KCTD6: variants seen among roughly 807,000 people sequenced by gnomAD.
KCTD6 encodes the protein potassium channel tetramerization domain containing 6, also known as BTB/POZ domain-containing protein KCTD6.
KCTD6 carries 6 observed loss-of-function variants against 18.7 expected under a neutral mutation model. That is an observed-to-expected ratio of 0.32 (90% CI 0.18 to 0.63). The LOEUF is 0.63. Among genes scored for constraint, KCTD6 ranks in the 30% least tolerant of loss-of-function variants. The pLI, the probability that KCTD6 is intolerant of heterozygous loss-of-function variation, is 0.79. For synonymous variants in KCTD6, 86 were observed against 108.5 expected, an observed-to-expected ratio of 0.79 and a Z score of 1.29; for missense variants, 165 against 300.2, an observed-to-expected ratio of 0.55 and a Z score of 3.33.
rs1386450968 is a variant in KCTD6 at position 58,497,104 on chromosome 3, A to T, written c.-43-1609A>T. ...CAGTCTTGAATTTGACATTTGTTCC[A>T]TTTCTCACCCCATAGCATGTGGAGG... On this transcript the variant is annotated intron_variant, in intron 1 of 2. Transcript: ENST00000404589. The surrounding 1 kb of genome is among the most constrained non-coding windows in gnomAD (Gnocchi z 4.2). Among the ~76,000 whole-genome samples, 2 of 152,216 alleles carry T rather than the reference A, an allele frequency of 1.3e-5. No individual in the cohort carries two copies. Among genetic ancestry groups the T allele is most frequent in the Non-Finnish European group, 2.9e-5 (2 of 68,030 alleles).
rs2063190343 is a variant in KCTD6, at chr3:58,498,611, G to T, written c.-43-102G>T. The T allele has an allele frequency of 1.4e-6, 1 of 717,058 alleles. No individual in the cohort carries two copies. Among genetic ancestry groups the T allele is most frequent in the Non-Finnish European group, 2.5e-6 (1 of 404,068 alleles). The allele number at this position is 717,058 out of a possible 1,614,324, so 44.4% of individuals were successfully genotyped here. On this transcript the variant is annotated intron_variant, in intron 1 of 2. Transcript: ENST00000404589. This position sits in a 1 kb window ranked among gnomAD's most constrained non-coding sequence, Gnocchi z 4.6. The stretch of plus-strand genomic sequence containing the variant: ...GGTTTCAGCTGAGCAAGGACGAGTA[G>T]TTTTTCTGGTGTTTGGCCTCCTCTG...
chr3:58,497,655 G>GGCTGGCTCTCCATGAGT lies in KCTD6; in HGVS notation c.-43-1050_-43-1034dup, dbSNP rs1233369022. On this transcript the variant is annotated intron_variant, in intron 1 of 2. Coordinates refer to ENST00000404589, the MANE Select transcript of KCTD6 (RefSeq NM_001128214.2). The surrounding 1 kb of genome is among the most constrained non-coding windows in gnomAD (Gnocchi z 4.2). Reference sequence around the variant, plus strand: ...ATCTGAGCATTTCTCAGTGTCTTAAGGCTGGCTCTCCATGAGTGCTGGCTG... The same window carrying GGCTGGCTCTCCATGAGT: ...ATCTGAGCATTTCTCAGTGTCTTAAGGCTGGCTCTCCATGAGTGCTGGCTCTCCATGAGTGCTGGCTG... 6.6e-6 allele frequency: 1 copy of GGCTGGCTCTCCATGAGT among 152,170 alleles called. No individual in the cohort carries two copies. The allele number at this position is 152,170 out of a possible 1,614,324, so 9.4% of individuals were successfully genotyped here.
At position 58,493,708 on chromosome 3, in the gene KCTD6, G is replaced by T. The variant is rs540063718; in HGVS notation, c.-44+1539G>T. Among the ~76,000 whole-genome samples the T allele has an allele frequency of 6.6e-6, 1 of 152,312 alleles. No individual in the cohort carries two copies. Among genetic ancestry groups the T allele is most frequent in the South Asian group, 2.1e-4 (1 of 4,830 alleles). On this transcript the variant is annotated intron_variant, in intron 1 of 2. Coordinates refer to ENST00000404589, the MANE Select transcript of KCTD6 (RefSeq NM_001128214.2). The surrounding 1 kb of genome is among the most constrained non-coding windows in gnomAD (Gnocchi z 4.5). ...TCCAGGCCAATGCTCTAAATTACTT[G>T]TGTTCACACTCAAGTTTCTCATGTT...
rs1017237529 is a variant in KCTD6, at chr3:58,497,262, A to G, written c.-43-1451A>G. On this transcript the variant is annotated intron_variant, in intron 1 of 2. Coordinates refer to ENST00000404589, the MANE Select transcript of KCTD6 (RefSeq NM_001128214.2). This position sits in a 1 kb window ranked among gnomAD's most constrained non-coding sequence, Gnocchi z 4.2. The stretch of plus-strand genomic sequence containing the variant: ...ATGCTTCAGGCTCTGATTTCAGCCC[A>G]TGCTGTGCTATGCAAATGTTCTCTA... 6.6e-6 allele frequency among the ~76,000 whole-genome samples: 1 copy of G among 152,258 alleles called. No homozygotes were observed. The highest frequency in any genetic ancestry group is 1.5e-5 in the Non-Finnish European group (1 of 68,040).
At position 58,498,666 on chromosome 3, in the gene KCTD6, T is replaced by G; in HGVS notation, c.-43-47T>G. 1.0e-6 allele frequency: 1 copy of G among 970,532 alleles called. No individual in the cohort carries two copies. Among genetic ancestry groups the G allele is most frequent in the Non-Finnish European group, 1.6e-6 (1 of 607,646 alleles). The allele number at this position is 970,532 out of a possible 1,614,324, so 60.1% of individuals were successfully genotyped here. On this transcript the variant is annotated intron_variant, in intron 1 of 2. Transcript: ENST00000404589. The surrounding 1 kb of genome is among the most constrained non-coding windows in gnomAD (Gnocchi z 4.6). Reference sequence around the variant, plus strand: ...GTGGAAAAAGACTTTCTTCTCTATTTTCCTAGTTATATATGCTATCATATG... The same window carrying G: ...GTGGAAAAAGACTTTCTTCTCTATTGTCCTAGTTATATATGCTATCATATG...
rs2063158976 is a variant in KCTD6, at chr3:58,492,422, G to A, written c.-44+253G>A. ...CCCGGCGGGGATGCGCGGTTTCTGC[G>A]GGCCCGGGTTCGGAGCCCCGCGGCG... On this transcript the variant is annotated intron_variant, in intron 1 of 2. Coordinates refer to ENST00000404589, the MANE Select transcript of KCTD6 (RefSeq NM_001128214.2). This position sits in a 1 kb window ranked among gnomAD's most constrained non-coding sequence, Gnocchi z 6.1. 6.6e-6 allele frequency among the ~76,000 whole-genome samples: 1 copy of A among 151,288 alleles called. No homozygotes were observed. Among genetic ancestry groups the A allele is most frequent in the South Asian group, 2.1e-4 (1 of 4,818 alleles).
In KCTD6 at chr3:58,492,728, G is replaced by A. The variant is rs2107972223; in HGVS notation, c.-44+559G>A. Among the ~76,000 whole-genome samples the A allele has an allele frequency of 6.6e-6, 1 of 152,296 alleles. No individual in the cohort carries two copies. The highest frequency in any genetic ancestry group is 1.9e-4 in the East Asian group (1 of 5,182). On this transcript the variant is annotated intron_variant, in intron 1 of 2. Coordinates refer to ENST00000404589, the MANE Select transcript of KCTD6 (RefSeq NM_001128214.2). The surrounding 1 kb of genome is among the most constrained non-coding windows in gnomAD (Gnocchi z 6.1). ...TGCCTAGATTTGTGTGTGTGTGGTG[G>A]CGTTTTTAATGCTTGATGTCAGAGG...
Position 58,498,422 on chromosome 3 carries a change from T to C in KCTD6, c.-43-291T>C. 1 of 250,668 alleles carries C rather than the reference T, an allele frequency of 4.0e-6. No homozygotes were observed. The highest frequency in any genetic ancestry group is 7.4e-6 in the Non-Finnish European group (1 of 134,760). 15.5% of individuals were successfully genotyped at this position (250,668 alleles called of 1,614,324 possible). On this transcript the variant is annotated intron_variant, in intron 1 of 2. Transcript: ENST00000404589. This position sits in a 1 kb window ranked among gnomAD's most constrained non-coding sequence, Gnocchi z 4.6. ...AGAAGAGAGGTAGAATTTGAATGAC[T>C]GGGTTACTTCCTAGACTCTTCCTCC... is the stretch of plus-strand genomic sequence containing the variant.
Position 58,492,161 on chromosome 3 carries a change from C to A in KCTD6, c.-52C>A, listed in dbSNP as rs1439405366. On this transcript the variant is annotated 5_prime_UTR_variant, in exon 1 of 3. Transcript: ENST00000404589. The surrounding 1 kb of genome is among the most constrained non-coding windows in gnomAD (Gnocchi z 6.1). ...CCGGCCCGGCCGCAGCAGCCGCCGC[C>A]GCCGCGCAGTGAGTGGGGCTGGCGC... The A allele has an allele frequency of 6.7e-6, 1 of 149,474 alleles. No homozygotes were observed. The highest frequency in any genetic ancestry group is 2.4e-5 in the African/African-American group (1 of 41,014). 9.3% of individuals were successfully genotyped at this position (149,474 alleles called of 1,614,324 possible).
At chr3:58,500,062 A>T (rs543742485) in intron 2 of KCTD6, among the ~76,000 whole-genome samples, 1 of 152,130 alleles carries the variant, frequency 6.6e-6, no homozygotes, top group African/African-American at 2.4e-5. Flanking sequence ...TGAAAGTATC[A>T]CTTCCATGAA....
At chr3:58,499,159 G>A (rs1456060344) in intron 2 of KCTD6, among the ~76,000 whole-genome samples, 3 of 151,968 alleles carry the variant, frequency 2.0e-5, no homozygotes, top group Non-Finnish European at 4.4e-5. Flanking sequence ...TAGTAGACAC[G>A]GGGTTTCACC....
chr3:58,501,692 T>A lies in KCTD6; in HGVS notation c.*60T>A, dbSNP rs1576980896. ...TCCAGGAAATGGAAGATACTGATTT[T>A]TTTTTTTAAATCACAGTGTGAGATA... On this transcript the variant is annotated 3_prime_UTR_variant, in exon 3 of 3. Coordinates refer to ENST00000404589, the MANE Select transcript of KCTD6 (RefSeq NM_001128214.2). The surrounding 1 kb of genome is among the most constrained non-coding windows in gnomAD (Gnocchi z 9.7). The A allele has an allele frequency of 1.7e-6, 2 of 1,143,928 alleles. No homozygotes were observed. Among genetic ancestry groups the A allele is most frequent in the African/African-American group, 1.6e-5 (1 of 62,750 alleles). 70.9% of individuals were successfully genotyped at this position (1,143,928 alleles called of 1,614,324 possible). A position where few individuals can be genotyped will look rare whatever the true frequency, so the allele number is the denominator to read the frequency against.
rs771271324 is a variant in KCTD6 at position 58,492,458 on chromosome 3, C to T, written c.-44+289C>T. ...CGGAGCCCCGCGGCGCGCCCCTCGT[C>T]CGGGCCCGGAGCATCGCCCGCCCTA... On this transcript the variant is annotated intron_variant, in intron 1 of 2. Coordinates refer to ENST00000404589, the MANE Select transcript of KCTD6 (RefSeq NM_001128214.2). This position sits in a 1 kb window ranked among gnomAD's most constrained non-coding sequence, Gnocchi z 6.1. 3.3e-5 allele frequency among the ~76,000 whole-genome samples: 5 copies of T among 151,702 alleles called. No individual in the cohort carries two copies. The highest frequency in any genetic ancestry group is 4.8e-5 in the African/African-American group (2 of 41,386).
At position 58,500,929 on chromosome 3, in the gene KCTD6, T is replaced by G. The variant is rs773535395; in HGVS notation, c.28-17T>G. 6.7e-6 allele frequency: 10 copies of G among 1,497,636 alleles called. No homozygotes were observed. Among genetic ancestry groups the G allele is most frequent in the Non-Finnish European group, 9.0e-6 (10 of 1,110,860 alleles). 92.8% of individuals were successfully genotyped at this position (1,497,636 alleles called of 1,614,324 possible). ...TTAAAAATTTCAGATGACTGATCAT[T>G]TCTTTACAAATTTCAGATGACTGAC... On this transcript the variant is annotated splice_polypyrimidine_tract_variant and intron_variant, in intron 2 of 2. Coordinates refer to ENST00000404589, the MANE Select transcript of KCTD6 (RefSeq NM_001128214.2).
chr3:58,493,138 C>A lies in KCTD6; in HGVS notation c.-44+969C>A, dbSNP rs112187895. Reference sequence around the variant, plus strand: ...GGACAGCATGTAGCACAGTCCTGAGCCCAAGATTGAGATGTTTTCAAATGA... The same window carrying A: ...GGACAGCATGTAGCACAGTCCTGAGACCAAGATTGAGATGTTTTCAAATGA... On this transcript the variant is annotated intron_variant, in intron 1 of 2. Transcript: ENST00000404589. The surrounding 1 kb of genome is among the most constrained non-coding windows in gnomAD (Gnocchi z 4.5). Among the ~76,000 whole-genome samples, 228 of 152,206 alleles carry A rather than the reference C, an allele frequency of 1.5e-3. 4 individuals carry two copies. Among genetic ancestry groups the A allele is most frequent in the African/African-American group, 5.0e-3 (209 of 41,500 alleles).
At chr3:58,494,275 A>C (rs7628002) in intron 1 of KCTD6, 1 of 152,138 alleles carries the variant, frequency 6.6e-6, no homozygotes, top group African/African-American at 2.4e-5. Flanking sequence ...CTGGCTACTT[A>C]TGCTGGCCTG....
In KCTD6 at chr3:58,497,552, A is replaced by G. The variant is rs1248766702; in HGVS notation, c.-43-1161A>G. 6.6e-6 allele frequency among the ~76,000 whole-genome samples: 1 copy of G among 152,236 alleles called. No homozygotes were observed. The highest frequency in any genetic ancestry group is 1.5e-5 in the Non-Finnish European group (1 of 68,030). ...TGTGTGAGAGGGAACTGACTAAGGCAGTTCAGTAGCTGGGAAACTGTTTGT... is the reference window on the plus strand; with the variant it reads ...TGTGTGAGAGGGAACTGACTAAGGCGGTTCAGTAGCTGGGAAACTGTTTGT... On this transcript the variant is annotated intron_variant, in intron 1 of 2. Coordinates refer to ENST00000404589, the MANE Select transcript of KCTD6 (RefSeq NM_001128214.2). This position sits in a 1 kb window ranked among gnomAD's most constrained non-coding sequence, Gnocchi z 4.2.
rs1011290402 is a variant in KCTD6 at position 58,497,919 on chromosome 3, T to A, written c.-43-794T>A. ...TTTTTGATGTTTTTACTCAGGTGATTGGCTTGTATAGCTGAAATGCTGATG... is the reference window on the plus strand; with the variant it reads ...TTTTTGATGTTTTTACTCAGGTGATAGGCTTGTATAGCTGAAATGCTGATG... On this transcript the variant is annotated intron_variant, in intron 1 of 2. Transcript: ENST00000404589. This position sits in a 1 kb window ranked among gnomAD's most constrained non-coding sequence, Gnocchi z 4.2. 6.6e-6 allele frequency: 1 copy of A among 152,150 alleles called. No individual in the cohort carries two copies. The highest frequency in any genetic ancestry group is 2.4e-5 in the African/African-American group (1 of 41,440). The allele number at this position is 152,150 out of a possible 1,614,324, so 9.4% of individuals were successfully genotyped here. A position where few individuals can be genotyped will look rare whatever the true frequency, so the allele number is the denominator to read the frequency against.
chr3:58,492,151 C>G lies in KCTD6; in HGVS notation c.-62C>G, dbSNP rs1444940739. 1.7e-4 allele frequency: 26 copies of G among 149,506 alleles called. No homozygotes were observed. Among genetic ancestry groups the G allele is most frequent in the Non-Finnish European group, 3.0e-5 (2 of 66,758 alleles). The allele number at this position is 149,506 out of a possible 1,614,324, so 9.3% of individuals were successfully genotyped here. A position where few individuals can be genotyped will look rare whatever the true frequency, so the allele number is the denominator to read the frequency against. On this transcript the variant is annotated 5_prime_UTR_variant, in exon 1 of 3. Transcript: ENST00000404589. The surrounding 1 kb of genome is among the most constrained non-coding windows in gnomAD (Gnocchi z 6.1). ...CGGGCATCTCCCGGCCCGGCCGCAG[C>G]AGCCGCCGCCGCCGCGCAGTGAGTG...
Sources: allele counts gnomAD v4.1 joint callset (sites outside exome capture counted in the v4.1 genomes callset), GRCh38; gene constraint gnomAD v4.1.1; non-coding constraint Gnocchi (gnomAD v3.1); transcripts MANE v1.5; gene names NCBI Gene and HGNC (gene_info 2026-07-23, HGNC 2026-07-21).